MARVELD2: variants seen among roughly 807,000 people sequenced by gnomAD.
MARVELD2 encodes MARVEL domain-containing protein 2.
In MARVELD2, 49 loss-of-function variants were observed where a neutral mutation model predicts 57.6. The ratio of observed to expected loss-of-function variants is 0.85; its 90% CI spans 0.68 to 1.08. MARVELD2 has a LOEUF of 1.08. Among genes scored for constraint, MARVELD2 ranks in the 50% least tolerant of loss-of-function variants. The pLI, the probability that MARVELD2 is intolerant of heterozygous loss-of-function variation, is 0.00. For synonymous variants in MARVELD2, 238 were observed against 258.8 expected (o/e 0.92, Z 0.77); for missense variants, 606 against 701.1 (o/e 0.86, Z 1.53).
chr5:69,441,454 C>T (rs1037675686), intron 6 of MARVELD2, 78 bp from the exon 7 acceptor site: 10 of 1,548,484 alleles, frequency 6.5e-6, no homozygotes, highest in Non-Finnish European at 8.8e-6. Context: ...ATGATCATTT[C>T]CTGGGTGACA....
chr5:69,437,238 G>A (rs528206482), intron 5 of MARVELD2, among the ~76,000 whole-genome samples: 8 of 149,770 alleles, frequency 5.3e-5, no homozygotes, highest in East Asian at 4.0e-4. Context: ...AAAATTAGCC[G>A]CACGTGGTGG....
intron 5 of MARVELD2, among the ~76,000 whole-genome samples, chr5:69,436,213 G>A (rs1000542533): frequency 4.0e-5 from 6 of 151,704 alleles, no homozygotes; most frequent in Non-Finnish European, 2.9e-5. Flanking sequence ...ACTAAATGTC[G>A]GTCTGGCTGT....
In MARVELD2 at chr5:69,420,242, C is replaced by G; in HGVS notation, c.857C>G (p.Ser286Cys). The G allele has an allele frequency of 1.2e-6, 2 of 1,614,156 alleles. No homozygotes were observed. Among genetic ancestry groups the G allele is most frequent in the Non-Finnish European group, 1.7e-6 (2 of 1,180,034 alleles). Reference protein sequence around the residue: ...SMYYRTILLDSNWWPLTEFGI... With the variant: ...SMYYRTILLDCNWWPLTEFGI... ...TATTACCGGACCATTCTTCTGGACTCTAATTGGTGGCCCCTAACTGAATTT... is the reference window on the plus strand; with the variant it reads ...TATTACCGGACCATTCTTCTGGACTGTAATTGGTGGCCCCTAACTGAATTT... Residue 286 changes from serine to cysteine, a missense_variant, in exon 2 of 7, where the codon TCT (serine) becomes TGT (cysteine). Coordinates refer to ENST00000325631, the MANE Select transcript of MARVELD2 (RefSeq NM_001038603.3).
Position 69,420,334 on chromosome 5 carries a change from C to T in MARVELD2, c.949C>T (p.Arg317Ter), listed in dbSNP as rs144499910. 74 of 1,614,154 alleles carry T rather than the reference C, an allele frequency of 4.6e-5. No individual in the cohort carries two copies. Among genetic ancestry groups the T allele is most frequent in the Non-Finnish European group, 6.0e-5 (71 of 1,180,040 alleles). ...AAIVYVNDTN[R>*]GGLCYYPLFN... is the part of the protein sequence containing the mutation. Reference sequence around the variant, plus strand: ...CATAGTCTATGTGAATGATACCAACCGAGGTGGCCTCTGCTACTATCCGTT... The same window carrying T: ...CATAGTCTATGTGAATGATACCAACTGAGGTGGCCTCTGCTACTATCCGTT... The change falls in exon 2 of 7, where the codon CGA becomes TGA. Residue 317 changes from arginine to a stop codon, truncating the protein, a stop_gained. Transcript: ENST00000325631. LOFTEE classifies it high-confidence loss of function.
chr5:69,419,423 G>A lies in MARVELD2; in HGVS notation c.38G>A (p.Arg13His), dbSNP rs374313745. ...GGAAGATCCAGGAATCGGGACAGGC[G>A]CTACGATGAGGTCCCAAGCGACCTG... ...NDGRSRNRDR[R>H]YDEVPSDLPY... The change falls in exon 2 of 7, where the codon CGC becomes CAC. Residue 13 changes from arginine (R) to histidine (H), a missense_variant. Coordinates refer to ENST00000325631, the MANE Select transcript of MARVELD2 (RefSeq NM_001038603.3). 30 of 1,614,034 alleles carry A rather than the reference G, an allele frequency of 1.9e-5. No homozygotes were observed. The highest frequency in any genetic ancestry group is 1.8e-4 in the East Asian group (8 of 44,896).
chr5:69,436,957 G>C (rs1028519923), intron 5 of MARVELD2, among the ~76,000 whole-genome samples: 1 of 151,920 alleles, frequency 6.6e-6, no homozygotes, highest in Non-Finnish European at 1.5e-5. Context: ...ACCCCATCTC[G>C]GCCAGGCACA....
intron 2 of MARVELD2, among the ~76,000 whole-genome samples, chr5:69,423,312 C>T (rs553899891): frequency 2.0e-4 from 30 of 152,266 alleles, no homozygotes; most frequent in Non-Finnish European, 2.5e-4. Context: ...GCCTGCAATA[C>T]GGTGGCACAA....
chr5:69,441,856 A>G lies in MARVELD2; in HGVS notation c.*202A>G, dbSNP rs1034154570. The stretch of plus-strand genomic sequence containing the variant: ...AGGCGTGCGCTGCCACACCCCGCTA[A>G]TTTTTGTATTTTTAGTAGAGACGAG... On this transcript the variant is annotated 3_prime_UTR_variant, in exon 7 of 7. Transcript: ENST00000325631. The G allele has an allele frequency of 1.1e-5, 4 of 376,356 alleles. No individual in the cohort carries two copies. Among genetic ancestry groups the G allele is most frequent in the African/African-American group, 8.3e-5 (4 of 48,292 alleles). The allele number at this position is 376,356 out of a possible 1,614,324, so 23.3% of individuals were successfully genotyped here.
At chr5:69,434,219 T>A (rs978820843) in intron 5 of MARVELD2, among the ~76,000 whole-genome samples, 2 of 151,952 alleles carry the variant, frequency 1.3e-5, no homozygotes, top group African/African-American at 4.8e-5. Context: ...ATCCCAACAC[T>A]TTAAGAGGCC....
chr5:69,434,804 C>T (rs1767081838), intron 5 of MARVELD2, among the ~76,000 whole-genome samples: 1 of 150,532 alleles, frequency 6.6e-6, no homozygotes, highest in Non-Finnish European at 1.5e-5. Flanking sequence ...TGAAGCGATT[C>T]TCCCACCTCG....
At chr5:69,429,898 AT>A in intron 3 of MARVELD2, among the ~76,000 whole-genome samples, 1 of 148,402 alleles carries the variant, frequency 6.7e-6, no homozygotes, top group African/African-American at 2.5e-5. Flanking sequence ...TGGGTTATTT[AT>A]TTATTTATTT....
intron 2 of MARVELD2, among the ~76,000 whole-genome samples, chr5:69,422,769 C>T (rs867621014): frequency 1.3e-5 from 2 of 152,126 alleles, no homozygotes; most frequent in African/African-American, 4.8e-5. Context: ...TTTTACGGCT[C>T]GGGGGCATCA....
chr5:69,424,718 C>G, intron 3 of MARVELD2, 82 bp downstream of exon 3: 2 of 1,109,196 alleles, frequency 1.8e-6, no homozygotes, highest in Non-Finnish European at 2.7e-6. Context: ...ATAGTAGTAT[C>G]GTACATCTGT....
At chr5:69,424,078 A>T (rs2150919152) in intron 2 of MARVELD2, among the ~76,000 whole-genome samples, 1 of 152,324 alleles carries the variant, frequency 6.6e-6, no homozygotes, top group Non-Finnish European at 1.5e-5. Context: ...ATATGAATAG[A>T]ATGATCAACA....
chr5:69,436,652 A>G (rs1321908198), intron 5 of MARVELD2, among the ~76,000 whole-genome samples: 8 of 152,084 alleles, frequency 5.3e-5, no homozygotes, highest in Non-Finnish European at 1.2e-4. Context: ...AAATTCAGCA[A>G]ATATTGAGGT....
At chr5:69,416,435 A>T (rs1356339569) in intron 1 of MARVELD2, among the ~76,000 whole-genome samples, 1 of 152,192 alleles carries the variant, frequency 6.6e-6, no homozygotes, top group Non-Finnish European at 1.5e-5. Context: ...TCCAGTCTGT[A>T]CATACCCTGT....
rs904532554 is a variant in MARVELD2 at position 69,434,667 on chromosome 5, C to G, written c.1503+1574C>G. Among the ~76,000 whole-genome samples the G allele has an allele frequency of 1.3e-5, 2 of 152,096 alleles. 1 individual carries two copies. Among genetic ancestry groups the G allele is most frequent in the South Asian group, 4.1e-4 (2 of 4,834 alleles). ...AATAGGAATATTGAAATAGGAATGCCTTATAACCTGTGCCATTTTTTAATT... is the reference window on the plus strand; with the variant it reads ...AATAGGAATATTGAAATAGGAATGCGTTATAACCTGTGCCATTTTTTAATT... On this transcript the variant is annotated intron_variant, in intron 5 of 6. Transcript: ENST00000325631.
chr5:69,431,332 C>T (rs894003698), intron 3 of MARVELD2, among the ~76,000 whole-genome samples: 4 of 151,842 alleles, frequency 2.6e-5, no homozygotes, highest in Non-Finnish European at 5.9e-5. Flanking sequence ...CCAGGCTGGT[C>T]TCGAACACCT....
At chr5:69,427,035 A>G (rs936196465) in intron 3 of MARVELD2, among the ~76,000 whole-genome samples, 6 of 152,174 alleles carry the variant, frequency 3.9e-5, no homozygotes, top group Admixed American at 3.3e-4. Flanking sequence ...ATCCTGGGGA[A>G]ATTGCTTACT....
Sources: gnomAD v4.1 joint callset for allele counts (sites outside exome capture counted in the v4.1 genomes callset) on GRCh38, gnomAD v4.1.1 for gene constraint, MANE v1.5 for transcripts, NCBI Gene and HGNC (gene_info 2026-07-23, HGNC 2026-07-21) for gene names.